Variants in ARID1B observed in about 807,000 individuals in gnomAD.
ARID1B encodes the protein AT-rich interaction domain 1B.
In ARID1B, 30 loss-of-function variants were observed where a neutral mutation model predicts 212.3. The ratio of observed to expected loss-of-function variants is 0.14; its 90% confidence interval spans 0.11 to 0.19. The LOEUF is 0.19. ARID1B is among the 10% of genes least tolerant of loss of function. ARID1B has a pLI of 1.00. For missense variants in ARID1B, 2,891 were observed against 3,204.0 expected (o/e 0.90, Z 2.36); for synonymous variants, 1,402 against 1,301.7 (o/e 1.08, Z -1.66).
At chr6:157,085,034 T>C (rs2128464201) in intron 5 of ARID1B, 129 bp downstream of exon 5, 1 of 1,198,902 alleles carries the variant, frequency 8.3e-7, no homozygotes, top group Non-Finnish European at 1.1e-6. Context: ...AACTGAATTC[T>C]CACCAAGGCA....
chr6:157,159,380 C>A (rs1416413102), intron 8 of ARID1B, among the ~76,000 whole-genome samples: 1 of 152,180 alleles, frequency 6.6e-6, no homozygotes, highest in Non-Finnish European at 1.5e-5. Flanking sequence ...GCCTCAGAAC[C>A]CCTGAGCTCT....
At chr6:157,173,430 T>C (rs1255387497) in intron 9 of ARID1B, 1 of 152,336 alleles carries the variant, frequency 6.6e-6, no homozygotes, top group East Asian at 1.9e-4. Context: ...TCAGAAATCC[T>C]TTCCTTCCAA....
intron 6 of ARID1B, among the ~76,000 whole-genome samples, chr6:157,119,280 A>G (rs971309300): frequency 1.2e-4 from 19 of 152,038 alleles, no homozygotes; most frequent in Non-Finnish European, 2.9e-5. Context: ...TGCCTTTGAG[A>G]TCATATTCCA....
Position 157,148,028 on chromosome 6 carries a change from G to A in ARID1B, c.2762-596G>A, listed in dbSNP as rs143359005. Among the ~76,000 whole-genome samples, 972 of 149,502 alleles carry A rather than the reference G, an allele frequency of 6.5e-3. 8 individuals are homozygous for A. Among genetic ancestry groups the A allele is most frequent in the Non-Finnish European group, 8.9e-3 (602 of 67,660 alleles). On this transcript the variant is annotated intron_variant, in intron 7 of 19. Transcript: ENST00000636930. This position sits in a 1 kb window ranked among gnomAD's most constrained non-coding sequence, Gnocchi z 5.6. ...GGCAGCCAGCACAAACCAGCTGCTC[G>A]ATCTGGTACTCAAGCAAAAAAAGAA...
At chr6:157,099,690 A>G (rs1363993516) in intron 5 of ARID1B, among the ~76,000 whole-genome samples, 1 of 152,178 alleles carries the variant, frequency 6.6e-6, no homozygotes, top group Non-Finnish European at 1.5e-5. Flanking sequence ...ATCGTCCTTT[A>G]TAGCTAATCT....
chr6:156,977,091 C>CAACA (rs1777297775), intron 4 of ARID1B: 1 of 147,406 alleles, frequency 6.8e-6, no homozygotes, highest in South Asian at 1.3e-4. Context: ...TACATATTTA[C>CAACA]AAAAAAAAAA....
chr6:157,080,207 A>G (rs1302356379), intron 4 of ARID1B, among the ~76,000 whole-genome samples: 1 of 152,178 alleles, frequency 6.6e-6, no homozygotes, highest in East Asian at 1.9e-4. Flanking sequence ...ACCATCAGCT[A>G]ATTGTATTGA....
chr6:157,042,748 TC>T (rs1199418339), intron 4 of ARID1B, among the ~76,000 whole-genome samples: 1 of 151,378 alleles, frequency 6.6e-6, no homozygotes, highest in Non-Finnish European at 1.5e-5. Flanking sequence ...AGCCTCCACT[TC>T]CCAGGTTCAA....
At chr6:156,786,087 C>T (rs1201910743) in intron 1 of ARID1B, among the ~76,000 whole-genome samples, 1 of 152,120 alleles carries the variant, frequency 6.6e-6, no homozygotes, top group Non-Finnish European at 1.5e-5. Flanking sequence ...GAACTGTTAC[C>T]ATTCTCACTT....
In ARID1B at chr6:156,845,746, A is replaced by G. The variant is rs369588238; in HGVS notation, c.1986+16325A>G. ...CTCATTCAGTATTAAACTTGGTGCT[A>G]TTTTTTTCTTCGTTAGGGGAGGGTA... On this transcript the variant is annotated intron_variant, in intron 2 of 19. Transcript: ENST00000636930. Among the ~76,000 whole-genome samples the G allele has an allele frequency of 3.6e-4, 55 of 151,634 alleles. No individual in the cohort carries two copies. The South Asian group carries it at 9.8e-3, about 27-fold the overall frequency.
intron 4 of ARID1B, among the ~76,000 whole-genome samples, chr6:156,982,105 GCACATCTTT>G (rs1374985654): frequency 6.6e-6 from 1 of 151,108 alleles, no homozygotes; most frequent in East Asian, 1.9e-4. Context: ...TTTTGACTGC[GCACATCTTT>G]CAGTAGCTTC....
chr6:156,888,950 A>G (rs766027242), intron 2 of ARID1B, among the ~76,000 whole-genome samples: 19 of 152,174 alleles, frequency 1.2e-4, no homozygotes, highest in Non-Finnish European at 2.6e-4. Flanking sequence ...TTGATACCCT[A>G]GGTGTCAAAG....
chr6:156,805,719 A>T (rs1781108313), intron 1 of ARID1B, among the ~76,000 whole-genome samples: 1 of 151,924 alleles, frequency 6.6e-6, no homozygotes, highest in African/African-American at 2.4e-5. Flanking sequence ...TTTTTTAGAG[A>T]CAGTGGAGTG....
chr6:156,885,831 G>A (rs1391576468), intron 2 of ARID1B, among the ~76,000 whole-genome samples: 4 of 152,148 alleles, frequency 2.6e-5, no homozygotes, highest in African/African-American at 9.7e-5. Context: ...GACTCACAAC[G>A]AAGCCTCCCC....
chr6:156,813,963 G>C (rs1562405398), intron 1 of ARID1B, among the ~76,000 whole-genome samples: 2 of 152,170 alleles, frequency 1.3e-5, no homozygotes, highest in Non-Finnish European at 2.9e-5. Context: ...ATGCTCCCGC[G>C]CTGTGGATTC....
chr6:156,993,641 C>T (rs1778402282), intron 4 of ARID1B, among the ~76,000 whole-genome samples: 1 of 152,078 alleles, frequency 6.6e-6, no homozygotes, highest in South Asian at 2.1e-4. Flanking sequence ...AAGGATAGTG[C>T]CAAACAACAA....
rs917632029 is a variant in ARID1B at position 157,094,689 on chromosome 6, G to C, written c.2491+9784G>C. On this transcript the variant is annotated intron_variant, in intron 5 of 19. Coordinates refer to ENST00000636930, the MANE Select transcript of ARID1B (RefSeq NM_001374828.1). The surrounding 1 kb of genome is among the most constrained non-coding windows in gnomAD (Gnocchi z 4.3). ...GTTTAAGTGTGATGTGATCCCTCTG[G>C]AAGGTTGGGAAGGCAGGAAATAGCA... Among the ~76,000 whole-genome samples the C allele has an allele frequency of 3.9e-5, 6 of 152,152 alleles. No individual in the cohort carries two copies. Among genetic ancestry groups the C allele is most frequent in the African/African-American group, 1.4e-4 (6 of 41,440 alleles).
In ARID1B at chr6:157,091,023, A is replaced by G. The variant is rs111408327; in HGVS notation, c.2491+6118A>G. On this transcript the variant is annotated intron_variant, in intron 5 of 19. Coordinates refer to ENST00000636930, the MANE Select transcript of ARID1B (RefSeq NM_001374828.1). The stretch of plus-strand genomic sequence containing the variant: ...CAGTGCACAGCATGTGGCACCTGCT[A>G]ATGTGAACTCATACCCAGTGAATAA... 1.8e-3 allele frequency among the ~76,000 whole-genome samples: 281 copies of G among 152,288 alleles called. 2 individuals carry two copies. The highest frequency in any genetic ancestry group is 6.4e-3 in the African/African-American group (266 of 41,552).
In ARID1B at chr6:157,180,962, G is replaced by C. The variant is rs2128316518; in HGVS notation, c.3505-7G>C. 3.7e-6 allele frequency: 6 copies of C among 1,611,364 alleles called. No homozygotes were observed. The highest frequency in any genetic ancestry group is 5.1e-6 in the Non-Finnish European group (6 of 1,178,542). On this transcript the variant is annotated splice_polypyrimidine_tract_variant and splice_region_variant and intron_variant, in intron 11 of 19. Coordinates refer to ENST00000636930, the MANE Select transcript of ARID1B (RefSeq NM_001374828.1). ...CCCCACCTCCACATGCTGCTTCTGG[G>C]TACTAGAAGTCCAGCTCCTCCACCA...
Sources: gnomAD v4.1 joint callset for allele counts (sites outside exome capture counted in the v4.1 genomes callset) on GRCh38, gnomAD v4.1.1 for gene constraint, Gnocchi (gnomAD v3.1) non-coding constraint, MANE v1.5 for transcripts, NCBI Gene and HGNC (gene_info 2026-07-23, HGNC 2026-07-21) for gene names.